The following MITF variants were observed in gnomAD, a reference collection of about 807,000 sequenced individuals.
MITF encodes the protein melanocyte inducing transcription factor, also known as microphthalmia-associated transcription factor.
MITF carries 17 observed loss-of-function variants against 60.5 expected under a neutral mutation model. That is an observed-to-expected ratio of 0.28 (90% CI 0.19 to 0.42). MITF has a LOEUF of 0.42. Among genes scored for constraint, MITF ranks in the 10% least tolerant of loss-of-function variants. The pLI, the probability that MITF is intolerant of heterozygous loss-of-function variation, is 1.00. For synonymous variants in MITF, 260 were observed against 248.5 expected, an observed-to-expected ratio of 1.05 and a Z score of -0.43; for missense variants, 622 against 683.5, an observed-to-expected ratio of 0.91 and a Z score of 1.00.
At chr3:69,828,292 A>G (rs1265432940) in intron 1 of MITF, among the ~76,000 whole-genome samples, 2 of 152,200 alleles carry the variant, frequency 1.3e-5, no homozygotes, top group African/African-American at 4.8e-5. Flanking sequence ...ATTTAAGAAG[A>G]TTAGTGAGCA....
chr3:69,903,028 T>A (rs750638965), intron 2 of MITF, among the ~76,000 whole-genome samples: 18 of 152,194 alleles, frequency 1.2e-4, no homozygotes, highest in Non-Finnish European at 2.4e-4. Context: ...TAAGCTATGA[T>A]CTCTGAGTCT....
chr3:69,911,656 T>C lies in MITF; in HGVS notation c.355-26166T>C, dbSNP rs575862210. 1.4e-4 allele frequency among the ~76,000 whole-genome samples: 22 copies of C among 152,268 alleles called. 1 individual carries two copies. The South Asian group carries it at 4.6e-3, about 32-fold the overall frequency. On this transcript the variant is annotated intron_variant, in intron 2 of 9. Transcript: ENST00000352241. The stretch of plus-strand genomic sequence containing the variant: ...GGGGTGGGAAAGAAGGCAAAGAATA[T>C]GCATAGACAGTTCACAAAAATTCAA...
chr3:69,857,563 G>A (rs943706589), intron 1 of MITF, among the ~76,000 whole-genome samples: 5 of 149,910 alleles, frequency 3.3e-5, no homozygotes, highest in Admixed American at 1.3e-4. Context: ...TTCCCAACAC[G>A]CTAATAAATG....
chr3:69,960,609 A>G (rs1168114492), intron 9 of MITF, among the ~76,000 whole-genome samples: 2 of 152,126 alleles, frequency 1.3e-5, no homozygotes, highest in Non-Finnish European at 2.9e-5. Context: ...GTGACACCAT[A>G]TCTTCTTCTT....
At chr3:69,763,522 T>C in intron 1 of MITF, 1 of 1,097,736 alleles carries the variant, frequency 9.1e-7, no homozygotes, top group South Asian at 3.6e-5. Flanking sequence ...CAGCTCCTGC[T>C]GCCAAGGATC....
At chr3:69,950,627 G>GTGTATATATATATATATATATA (rs1460249905) in intron 6 of MITF, among the ~76,000 whole-genome samples, 1 of 138,056 alleles carries the variant, frequency 7.2e-6, no homozygotes, top group African/African-American at 2.7e-5. Flanking sequence ...TATATGGTGT[G>GTGTATATATATATATATATATA]TATATATATA....
At chr3:69,792,571 C>A (rs2062757561) in intron 1 of MITF, among the ~76,000 whole-genome samples, 1 of 152,096 alleles carries the variant, frequency 6.6e-6, no homozygotes, top group African/African-American at 2.4e-5. Context: ...TGGTTTATAT[C>A]AACAATCCTT....
chr3:69,914,349 T>C (rs542477754), intron 2 of MITF, among the ~76,000 whole-genome samples: 2 of 152,290 alleles, frequency 1.3e-5, no homozygotes, highest in East Asian at 3.9e-4. Context: ...CTTGAACTCT[T>C]GACCTCAGGT....
chr3:69,909,696 C>G (rs148465411), intron 2 of MITF, among the ~76,000 whole-genome samples: 2,382 of 152,236 alleles, frequency 0.016, 28 homozygotes, highest in Middle Eastern at 0.051. Context: ...CAGCATTTTT[C>G]CCTGCCCTAG....
chr3:69,847,177 T>A (rs1471694524), intron 1 of MITF, among the ~76,000 whole-genome samples: 1 of 152,222 alleles, frequency 6.6e-6, no homozygotes, highest in Non-Finnish European at 1.5e-5. Context: ...GTCTTAGTTG[T>A]TGTATCCGTT....
rs758308546 is a variant in MITF, at chr3:69,937,909, G to A, written c.442G>A (p.Ala148Thr). ...AAAGCAGTACCTTTCTACCACTTTAGCAAATAAACATGCCAACCAAGTCCT... is the reference window on the plus strand; with the variant it reads ...AAAGCAGTACCTTTCTACCACTTTAACAAATAAACATGCCAACCAAGTCCT... The part of the protein sequence containing the change: ...QVKQYLSTTL[A>T]NKHANQVLSL... The change falls in exon 3 of 10, where the codon GCA becomes ACA. Residue 148 changes from alanine to threonine, a missense_variant. Coordinates refer to ENST00000352241, the MANE Select transcript of MITF (RefSeq NM_001354604.2). 6 of 1,614,090 alleles carry A rather than the reference G, an allele frequency of 3.7e-6. No individual in the cohort carries two copies. The South Asian group carries it at 6.6e-5, about 18-fold the overall frequency.
chr3:69,953,157 C>G (rs570398825), intron 7 of MITF, among the ~76,000 whole-genome samples: 1 of 152,106 alleles, frequency 6.6e-6, no homozygotes, highest in Non-Finnish European at 1.5e-5. Context: ...ATCTTTTAAC[C>G]AAGAGATAAA....
chr3:69,898,009 G>A (rs1490118961), intron 2 of MITF, among the ~76,000 whole-genome samples: 1 of 152,166 alleles, frequency 6.6e-6, no homozygotes, highest in Non-Finnish European at 1.5e-5. Flanking sequence ...AGGATACAGT[G>A]AAAAACAGAT....
chr3:69,798,709 T>A (rs2062869940), intron 1 of MITF, among the ~76,000 whole-genome samples: 1 of 152,240 alleles, frequency 6.6e-6, no homozygotes, highest in Non-Finnish European at 1.5e-5. Context: ...GTCTCCCACA[T>A]TGCCTCCCCA....
intron 1 of MITF, among the ~76,000 whole-genome samples, chr3:69,758,453 G>A (rs1163988405): frequency 6.6e-6 from 1 of 152,060 alleles, no homozygotes; most frequent in African/African-American, 2.4e-5. Context: ...TTACAGATGT[G>A]AGCCTCTGTG....
intron 1 of MITF, among the ~76,000 whole-genome samples, chr3:69,808,005 G>C (rs1173985891): frequency 6.7e-6 from 1 of 149,556 alleles, no homozygotes; most frequent in African/African-American, 2.4e-5. Context: ...GACTTAACAG[G>C]TCAGCCTGTT....
At chr3:69,758,973 C>G (rs2062170769) in intron 1 of MITF, among the ~76,000 whole-genome samples, 1 of 152,090 alleles carries the variant, frequency 6.6e-6, no homozygotes, top group Non-Finnish European at 1.5e-5. Flanking sequence ...ATTCTCAATA[C>G]AAAGTTAGTA....
At chr3:69,893,716 G>A (rs1196689291) in intron 2 of MITF, among the ~76,000 whole-genome samples, 1 of 152,148 alleles carries the variant, frequency 6.6e-6, no homozygotes, top group Non-Finnish European at 1.5e-5. Flanking sequence ...GATGTGTAAA[G>A]ATTCTTTTAA....
chr3:69,787,411 G>T (rs1040855515), intron 1 of MITF, among the ~76,000 whole-genome samples: 4 of 152,180 alleles, frequency 2.6e-5, no homozygotes, highest in African/African-American at 9.7e-5. Flanking sequence ...TGTGAAACTG[G>T]CTTTTTAATG....
Sources: gnomAD v4.1 joint callset for allele counts (sites outside exome capture counted in the v4.1 genomes callset) on GRCh38, gnomAD v4.1.1 for gene constraint, MANE v1.5 for transcripts, NCBI Gene and HGNC (gene_info 2026-07-23, HGNC 2026-07-21) for gene names.